Variants in CFAP221 observed in about 807,000 individuals in gnomAD.
The protein encoded by CFAP221 is cilia- and flagella-associated protein 221.
CFAP221 carries 97 observed loss-of-function variants against 113.1 expected under a neutral mutation model. The observed-to-expected ratio is 0.86, with a 90% CI of 0.73 to 1.02. CFAP221 has a LOEUF of 1.02. Ranked by LOEUF, CFAP221 falls within the 50% of genes least tolerant of loss-of-function variation. The probability of loss-of-function intolerance (pLI) is 0.00; values close to 1 mark genes in which losing one functional copy is unlikely to be tolerated. For synonymous variants in CFAP221, 331 were observed against 354.4 expected, an observed-to-expected ratio of 0.93 and a Z score of 0.74; for missense variants, 1,025 against 1,013.4, an observed-to-expected ratio of 1.01 and a Z score of -0.16.
intron 14 of CFAP221, among the ~76,000 whole-genome samples, chr2:119,617,078 A>T (rs766589835): frequency 2.0e-5 from 3 of 152,256 alleles, no homozygotes; most frequent in Non-Finnish European, 4.4e-5. Context: ...CACTGAGGAC[A>T]ATAATGAGAC....
chr2:119,650,976 GAGT>G (rs1190552706), intron 22 of CFAP221, among the ~76,000 whole-genome samples: 1 of 152,210 alleles, frequency 6.6e-6, no homozygotes, highest in Non-Finnish European at 1.5e-5. Flanking sequence ...TTCTCTAATT[GAGT>G]GTGGTGGAGA....
rs1363812154 is a variant in CFAP221 at position 119,639,929 on chromosome 2, C to T, written c.2225+57C>T. The T allele has an allele frequency of 4.9e-6, 7 of 1,419,626 alleles. No homozygotes were observed. The East Asian group carries it at 1.6e-4, about 33-fold the overall frequency. 87.9% of individuals were successfully genotyped at this position (1,419,626 alleles called of 1,614,324 possible). A position where few individuals can be genotyped will look rare whatever the true frequency, so the allele number is the denominator to read the frequency against. On this transcript the variant is annotated intron_variant, in intron 21 of 23. Coordinates refer to ENST00000413369, the MANE Select transcript of CFAP221 (RefSeq NM_001271049.2). ...ATGTGTGCCCCATGTATTACAGAGG[C>T]AATGATCCCCAAAAGTTAAATGCCA...
chr2:119,555,468 G>T (rs1000016354), intron 3 of CFAP221, among the ~76,000 whole-genome samples: 1 of 152,124 alleles, frequency 6.6e-6, no homozygotes, highest in Non-Finnish European at 1.5e-5. Flanking sequence ...CACTTTCTAA[G>T]CACTTTATTC....
downstream of CFAP221, among the ~76,000 whole-genome samples, chr2:119,659,316 G>A (rs139873264): frequency 1.3e-4 from 20 of 152,316 alleles, no homozygotes; most frequent in African/African-American, 4.8e-4. Flanking sequence ...GGCTGGTTCT[G>A]TTGCTTTCTT....
rs753188858 is a variant in CFAP221, at chr2:119,656,339, T to C, written c.2415-23T>C. On this transcript the variant is annotated intron_variant, in intron 23 of 23. Coordinates refer to ENST00000413369, the MANE Select transcript of CFAP221 (RefSeq NM_001271049.2). ...TTTTATTAAGTGTCCTCATGTTTCC[T>C]TCTTGGGTTTTTTGATACTCAGAGA... 1.1e-5 allele frequency: 18 copies of C among 1,602,118 alleles called. No homozygotes were observed. In the South Asian group the frequency reaches 2.0e-4, roughly 18 times the overall value.
chr2:119,586,144 G>A (rs1683205289), intron 6 of CFAP221, among the ~76,000 whole-genome samples: 1 of 152,170 alleles, frequency 6.6e-6, no homozygotes, highest in Non-Finnish European at 1.5e-5. Context: ...GAGAAGAGAT[G>A]TACAGAGTCA....
In CFAP221 at chr2:119,627,644, C is replaced by A. The variant is rs1218299706; in HGVS notation, c.1517-9C>A. ...TACCCCCTAAAAGTGCCCTTTTTTT[C>A]ACCCATAGAGGCGAATTTCTTCAAA... is the stretch of plus-strand genomic sequence containing the variant. On this transcript the variant is annotated splice_polypyrimidine_tract_variant and intron_variant, in intron 15 of 23. Coordinates refer to ENST00000413369, the MANE Select transcript of CFAP221 (RefSeq NM_001271049.2). The A allele has an allele frequency of 6.8e-6, 11 of 1,607,600 alleles. 1 individual carries two copies. The Admixed American group carries it at 1.9e-4, about 27-fold the overall frequency.
At position 119,652,062 on chromosome 2, in the gene CFAP221, A is replaced by G; in HGVS notation, c.2407A>G (p.Lys803Glu). 1 of 1,609,146 alleles carries G rather than the reference A, an allele frequency of 6.2e-7. No individual in the cohort carries two copies. The highest frequency in any genetic ancestry group is 8.5e-7 in the Non-Finnish European group (1 of 1,176,138). ...FPMLNYKDIR[K>E]EKEVKDQAQP... ...TATGTTGAACTACAAGGACATCAGG[A>G]AGGAGAAGTAAGTGGATGCTTTTAT... The change falls in exon 23 of 24, where the codon AAG becomes GAG. Residue 803 changes from lysine to glutamate, a missense_variant. Lys to Glu is a moderately conservative substitution (Grantham distance 56). Coordinates refer to ENST00000413369, the MANE Select transcript of CFAP221 (RefSeq NM_001271049.2).
intron 3 of CFAP221, among the ~76,000 whole-genome samples, chr2:119,557,612 G>T (rs1238936858): frequency 6.6e-6 from 1 of 152,180 alleles, no homozygotes; most frequent in African/African-American, 2.4e-5. Context: ...TACTATAGAA[G>T]ACTCTCCAGA....
intron 7 of CFAP221, among the ~76,000 whole-genome samples, chr2:119,600,118 C>G (rs1234644718): frequency 6.6e-6 from 1 of 152,190 alleles, no homozygotes; most frequent in African/African-American, 2.4e-5. Context: ...GAAGTCAGAA[C>G]ATTCGTCCTC....
At chr2:119,655,332 A>G (rs1688366035) in intron 23 of CFAP221, among the ~76,000 whole-genome samples, 2 of 152,190 alleles carry the variant, frequency 1.3e-5, no homozygotes, top group African/African-American at 4.8e-5. Context: ...TCAACACAGT[A>G]TTACTCAATC....
rs542926503 is a variant in CFAP221, at chr2:119,624,974, C to T, written c.1411-609C>T. Among the ~76,000 whole-genome samples the T allele has an allele frequency of 6.6e-5, 10 of 151,118 alleles. No homozygotes were observed. The South Asian group carries it at 2.1e-3, about 32-fold the overall frequency. Reference sequence around the variant, plus strand: ...CCATGGCACGTTTATACTTATGTAACAAACCTGCATGTTCTGCACATGTAT... The same window carrying T: ...CCATGGCACGTTTATACTTATGTAATAAACCTGCATGTTCTGCACATGTAT... On this transcript the variant is annotated intron_variant, in intron 14 of 23. Transcript: ENST00000413369.
At chr2:119,581,911 A>G (rs116539380) in intron 6 of CFAP221, among the ~76,000 whole-genome samples, 4,708 of 152,152 alleles carry the variant, frequency 0.031, 124 homozygotes, top group Non-Finnish European at 0.049. Flanking sequence ...TAAAAAATAA[A>G]TAAATAAATA....
At chr2:119,658,940 A>G (rs1311733478), downstream of CFAP221, among the ~76,000 whole-genome samples, 1 of 151,544 alleles carries the variant, frequency 6.6e-6, no homozygotes, top group African/African-American at 2.4e-5. Flanking sequence ...GCAGTGAGCC[A>G]TGATCACACC....
At chr2:119,615,341 C>G (rs796186249) in intron 13 of CFAP221, among the ~76,000 whole-genome samples, 15 of 152,310 alleles carry the variant, frequency 9.8e-5, no homozygotes, top group African/African-American at 2.9e-4. Context: ...TATTCTTCCT[C>G]AAAGTCACAT....
chr2:119,657,719 T>C (rs949629504), downstream of CFAP221, among the ~76,000 whole-genome samples: 3 of 152,200 alleles, frequency 2.0e-5, no homozygotes, highest in Non-Finnish European at 2.9e-5. Flanking sequence ...CCCCTTCTTC[T>C]CCTCATCTGT....
At chr2:119,553,924 T>A (rs1243016719) in intron 3 of CFAP221, among the ~76,000 whole-genome samples, 1 of 152,126 alleles carries the variant, frequency 6.6e-6, no homozygotes, top group Non-Finnish European at 1.5e-5. Flanking sequence ...GTGAGGTTAT[T>A]AGAAGAGTGG....
At chr2:119,653,435 T>TATTA (rs1384432902) in intron 23 of CFAP221, among the ~76,000 whole-genome samples, 2 of 152,182 alleles carry the variant, frequency 1.3e-5, no homozygotes, top group Non-Finnish European at 2.9e-5. Flanking sequence ...AATTCAATCA[T>TATTA]ATTATACATA....
At chr2:119,638,651 A>G (rs980749607) in intron 20 of CFAP221, among the ~76,000 whole-genome samples, 1 of 152,098 alleles carries the variant, frequency 6.6e-6, no homozygotes, top group African/African-American at 2.4e-5. Flanking sequence ...CTTTGTCAAC[A>G]TTCCTCTGGA....
Sources: allele counts gnomAD v4.1 joint callset (sites outside exome capture counted in the v4.1 genomes callset), GRCh38; gene constraint gnomAD v4.1.1; transcripts MANE v1.5; gene names NCBI Gene and HGNC (gene_info 2026-07-23, HGNC 2026-07-21).